Variants in IFI16 observed in about 807,000 individuals in gnomAD.
IFI16 encodes gamma-interferon-inducible protein 16.
A neutral mutation model predicts 68.4 loss-of-function variants in IFI16; 49 were observed. The observed-to-expected ratio is 0.72, with a 90% CI of 0.57 to 0.91. IFI16 has a LOEUF of 0.91. Ranked by LOEUF, IFI16 falls within the 40% of genes least tolerant of loss-of-function variation. The pLI, the probability that IFI16 is intolerant of heterozygous loss-of-function variation, is 0.00. For synonymous variants in IFI16, 307 were observed against 315.0 expected (o/e 0.97, Z 0.27); for missense variants, 878 against 942.9 (o/e 0.93, Z 0.90).
upstream of IFI16, among the ~76,000 whole-genome samples, chr1:159,007,702 G>A (rs1409068624): frequency 1.3e-5 from 2 of 152,108 alleles, no homozygotes; most frequent in African/African-American, 4.8e-5. Flanking sequence ...AGGTATCAGA[G>A]AGTGCTCTCT....
chr1:159,015,450 A>G (rs1251911807), intron 2 of IFI16, among the ~76,000 whole-genome samples: 1 of 152,250 alleles, frequency 6.6e-6, no homozygotes, highest in African/African-American at 2.4e-5. Context: ...AAATCAGTAT[A>G]TCCTTCCTCA....
Position 159,020,452 on chromosome 1 carries a change from C to T in IFI16, c.1084C>T (p.Leu362Phe), listed in dbSNP as rs527791605. ...TATCCCCTGTGAAGAAGGAGATAAG[C>T]TCCAACTTTTCTGCTTTCGACTTAG... ...HNIPCEEGDK[L>F]QLFCFRLRKK... The change falls in exon 6 of 12, where the codon CTC becomes TTC. Residue 362 changes from leucine (L) to phenylalanine (F), a missense_variant. Leu to Phe is a conservative substitution (Grantham distance 22). This residue lies in a region of IFI16 where 443 missense variants were observed against 421.8 expected (regional missense o/e 1.05). Coordinates refer to ENST00000295809, the MANE Select transcript of IFI16 (RefSeq NM_001376587.1). 5.6e-6 allele frequency: 9 copies of T among 1,612,914 alleles called. No individual in the cohort carries two copies. Among genetic ancestry groups the T allele is most frequent in the Admixed American group, 1.7e-5 (1 of 60,000 alleles).
At chr1:159,004,671 A>G (rs1301693102), upstream of IFI16, among the ~76,000 whole-genome samples, 1 of 152,186 alleles carries the variant, frequency 6.6e-6, no homozygotes, top group Non-Finnish European at 1.5e-5. Flanking sequence ...TGCCATCACA[A>G]CAGAGCAAGA....
chr1:159,031,202 G>A lies in IFI16; in HGVS notation c.1162-1322G>A, dbSNP rs1186678904. 2.0e-5 allele frequency among the ~76,000 whole-genome samples: 3 copies of A among 152,278 alleles called. No individual in the cohort carries two copies. In the East Asian group the frequency reaches 5.8e-4, roughly 29 times the overall value. Reference sequence around the variant, plus strand: ...CACCATCACCCACCAACAACGCTGAGTTTATTTCCAGGCAGCAAGTGAGCA... The same window carrying A: ...CACCATCACCCACCAACAACGCTGAATTTATTTCCAGGCAGCAAGTGAGCA... On this transcript the variant is annotated intron_variant, in intron 6 of 11. Coordinates refer to ENST00000295809, the MANE Select transcript of IFI16 (RefSeq NM_001376587.1).
intron 7 of IFI16, among the ~76,000 whole-genome samples, chr1:159,038,280 T>C (rs930485197): frequency 5.3e-5 from 8 of 152,198 alleles, no homozygotes; most frequent in Non-Finnish European, 8.8e-5. Flanking sequence ...AACGGGCCTA[T>C]AGGGTTGGGT....
chr1:159,043,108 A>G (rs1170377958), intron 7 of IFI16, among the ~76,000 whole-genome samples: 1 of 152,036 alleles, frequency 6.6e-6, no homozygotes, highest in East Asian at 1.9e-4. Context: ...AATTTTTTAG[A>G]CAGTCATTTT....
In IFI16 at chr1:159,055,045, G is replaced by T. The variant is rs957251516; in HGVS notation, c.*144G>T. On this transcript the variant is annotated 3_prime_UTR_variant, in exon 12 of 12. Transcript: ENST00000295809. The stretch of plus-strand genomic sequence containing the variant: ...TTAATCCTATGGAATGGGGTATTGG[G>T]AGTGCTTTTTTAATTTTTCATAGTT... 5.8e-5 allele frequency: 24 copies of T among 414,740 alleles called. 1 individual carries two copies. Among genetic ancestry groups the T allele is most frequent in the Non-Finnish European group, 1.1e-4 (24 of 227,324 alleles). The allele number at this position is 414,740 out of a possible 1,614,324, so 25.7% of individuals were successfully genotyped here.
chr1:159,050,439 T>A (rs570889412), intron 9 of IFI16, among the ~76,000 whole-genome samples: 1 of 152,324 alleles, frequency 6.6e-6, no homozygotes, highest in East Asian at 1.9e-4. Context: ...GTGAGGTGAT[T>A]TGATACTGAT....
chr1:159,052,877 A>T (rs1370992069), intron 10 of IFI16: 1 of 152,002 alleles, frequency 6.6e-6, no homozygotes, highest in African/African-American at 2.4e-5. Context: ...ACTGTTTCAT[A>T]CTCCATTATA....
chr1:159,053,292 A>C (rs1339213979), intron 10 of IFI16: 1 of 352,990 alleles, frequency 2.8e-6, no homozygotes, highest in Non-Finnish European at 5.1e-6. Context: ...GAAAGTAATC[A>C]ATTTTTTTTC....
intron 1 of IFI16, among the ~76,000 whole-genome samples, chr1:159,013,780 G>A (rs1652734239): frequency 6.6e-6 from 1 of 152,016 alleles, no homozygotes; most frequent in Non-Finnish European, 1.5e-5. Context: ...CAAGGTGTCC[G>A]GCATCTTTGT....
chr1:159,042,486 C>A (rs1000060733), intron 7 of IFI16, among the ~76,000 whole-genome samples: 4 of 152,138 alleles, frequency 2.6e-5, no homozygotes, highest in Non-Finnish European at 4.4e-5. Flanking sequence ...TTTCCGTATC[C>A]ATGCTCTTAA....
At chr1:159,034,274 T>C (rs1654181661) in intron 7 of IFI16, among the ~76,000 whole-genome samples, 1 of 152,210 alleles carries the variant, frequency 6.6e-6, no homozygotes, top group Admixed American at 6.5e-5. Context: ...GTAAAATGTA[T>C]GTGATTAAAT....
At chr1:159,043,406 A>G (rs1253402672) in intron 7 of IFI16, among the ~76,000 whole-genome samples, 1 of 152,254 alleles carries the variant, frequency 6.6e-6, no homozygotes. Flanking sequence ...TTCTACTTGC[A>G]TAGGAATCAT....
chr1:159,016,298 A>G (rs1652920502), intron 3 of IFI16, among the ~76,000 whole-genome samples: 1 of 152,226 alleles, frequency 6.6e-6, no homozygotes, highest in Admixed American at 6.5e-5. Context: ...ATCCCAAGTC[A>G]GCACATCCCA....
At chr1:159,024,968 AAATAGGG>A (rs1434234474) in intron 6 of IFI16, among the ~76,000 whole-genome samples, 2 of 152,038 alleles carry the variant, frequency 1.3e-5, no homozygotes, top group Non-Finnish European at 2.9e-5. Context: ...TTAATACATA[AAATAGGG>A]TCCTTCCCAG....
intron 7 of IFI16, among the ~76,000 whole-genome samples, chr1:159,035,889 A>T (rs1205585208): frequency 6.6e-6 from 1 of 152,172 alleles, no homozygotes; most frequent in Non-Finnish European, 1.5e-5. Context: ...TCAACCAAAG[A>T]TTACATTTCT....
At chr1:159,041,183 T>A (rs552838551) in intron 7 of IFI16, among the ~76,000 whole-genome samples, 1 of 152,292 alleles carries the variant, frequency 6.6e-6, no homozygotes, top group East Asian at 1.9e-4. Context: ...GGACATCACA[T>A]GTAAATGGTT....
At chr1:159,009,687 A>G (rs1469452647), upstream of IFI16, among the ~76,000 whole-genome samples, 1 of 152,224 alleles carries the variant, frequency 6.6e-6, no homozygotes, top group Non-Finnish European at 1.5e-5. Context: ...TACAAGTGTA[A>G]TTTCGTTACA....
Sources: allele counts gnomAD v4.1 joint callset (sites outside exome capture counted in the v4.1 genomes callset), GRCh38; gene constraint gnomAD v4.1.1; regional missense constraint gnomAD v4.1.1; transcripts MANE v1.5; gene names NCBI Gene and HGNC (gene_info 2026-07-23, HGNC 2026-07-21).